The following RNFT2 variants were observed in gnomAD, a reference collection of about 807,000 sequenced individuals.
The protein encoded by RNFT2 is E3 ubiquitin-protein ligase RNFT2.
In RNFT2, 36 loss-of-function variants were observed where a neutral mutation model predicts 53.0. The ratio of observed to expected loss-of-function variants is 0.68; its 90% CI spans 0.52 to 0.90. The LOEUF is 0.90. RNFT2 is among the 40% of genes least tolerant of loss of function. The pLI is 0.00. For missense variants in RNFT2, 514 were observed against 585.6 expected (o/e 0.88, Z 1.26); for synonymous variants, 260 against 253.2 (o/e 1.03, Z -0.26).
rs200161684 is a variant in RNFT2 at position 116,852,597 on chromosome 12, G to A, written c.*3149G>A. 5,152 of 1,613,630 alleles carry A rather than the reference G, an allele frequency of 3.2e-3. 13 individuals carry two copies. The highest frequency in any genetic ancestry group is 4.0e-3 in the Non-Finnish European group (4,717 of 1,179,632). On this transcript the variant is annotated 3_prime_UTR_variant, in exon 11 of 11. Coordinates refer to ENST00000257575, the MANE Select transcript of RNFT2 (RefSeq NM_001382266.1). Reference sequence around the variant, plus strand: ...TACCCTGAGGAAAAACCAAAGGGAAGCAACAGGAACTTCTGCAACTGGTTT... The same window carrying A: ...TACCCTGAGGAAAAACCAAAGGGAAACAACAGGAACTTCTGCAACTGGTTT...
chr12:116,761,890 T>C (rs1275206959), intron 5 of RNFT2, among the ~76,000 whole-genome samples: 1 of 151,760 alleles, frequency 6.6e-6, no homozygotes, highest in Non-Finnish European at 1.5e-5. Context: ...CACAAACCCA[T>C]TGAAAGGATT....
chr12:116,750,148 G>T lies in RNFT2; in HGVS notation c.391G>T (p.Gly131Cys). The T allele has an allele frequency of 6.3e-7, 1 of 1,586,872 alleles. No homozygotes were observed. The highest frequency in any genetic ancestry group is 8.5e-7 in the Non-Finnish European group (1 of 1,172,714). ...HRGGSLLQHV[G>C]GDHRGHSEEG... ...CGGGGGCTCCCTGCTGCAGCACGTG[G>T]GTGGGGACCACCGGGGGCACTCGGA... The change falls in exon 4 of 11, where the codon GGT (glycine) becomes TGT (cysteine). Residue 131 changes from glycine (G) to cysteine (C), a missense_variant. This residue lies in a region of RNFT2 where 237 missense variants were observed against 235.1 expected (regional missense o/e 1.01). Coordinates refer to ENST00000257575, the MANE Select transcript of RNFT2 (RefSeq NM_001382266.1).
rs2137233266 is a variant in RNFT2, at chr12:116,851,629, A to C, written c.*2181A>C. On this transcript the variant is annotated 3_prime_UTR_variant, in exon 11 of 11. Coordinates refer to ENST00000257575, the MANE Select transcript of RNFT2 (RefSeq NM_001382266.1). Reference sequence around the variant, plus strand: ...GTGGCGGGTGCCTGTAATCCCAGCTACTCAGGAGGCTAAGGCAGGGAGAAC... The same window carrying C: ...GTGGCGGGTGCCTGTAATCCCAGCTCCTCAGGAGGCTAAGGCAGGGAGAAC... 1.6e-6 allele frequency: 1 copy of C among 613,384 alleles called. No individual in the cohort carries two copies. Among genetic ancestry groups the C allele is most frequent in the Middle Eastern group, 4.4e-4 (1 of 2,296 alleles). 38.0% of individuals were successfully genotyped at this position (613,384 alleles called of 1,614,324 possible).
Position 116,769,092 on chromosome 12 carries a change from G to A in RNFT2, c.728+2178G>A, listed in dbSNP as rs1244168676. On this transcript the variant is annotated intron_variant, in intron 6 of 10. Transcript: ENST00000257575. ...AAATAAAAGTTGGCCGGGCGCAGTG[G>A]CTCACACCTGTAATCCCAGCACTTT... 2.0e-5 allele frequency among the ~76,000 whole-genome samples: 3 copies of A among 152,088 alleles called. No homozygotes were observed. The South Asian group carries it at 6.2e-4, about 32-fold the overall frequency.
intron 3 of RNFT2, among the ~76,000 whole-genome samples, chr12:116,742,156 C>T (rs1871638016): frequency 6.6e-6 from 1 of 152,044 alleles, no homozygotes; most frequent in South Asian, 2.1e-4. Flanking sequence ...AAGCATAGGC[C>T]ACAGCCTTTA....
At chr12:116,766,952 G>T in intron 6 of RNFT2, 38 bp downstream of exon 6, 1 of 1,477,696 alleles carries the variant, frequency 6.8e-7, no homozygotes, top group East Asian at 2.4e-5. Context: ...TGGGAGAGTG[G>T]GGCACTTGGC....
chr12:116,784,960 C>T (rs1368369464), intron 7 of RNFT2, among the ~76,000 whole-genome samples: 1 of 152,176 alleles, frequency 6.6e-6, no homozygotes, highest in Admixed American at 6.5e-5. Context: ...AATTTAAACC[C>T]TCCAGGGGCT....
chr12:116,743,916 C>A (rs1871768817), intron 3 of RNFT2, among the ~76,000 whole-genome samples: 1 of 152,090 alleles, frequency 6.6e-6, no homozygotes, highest in African/African-American at 2.4e-5. Flanking sequence ...CCAAAAATGG[C>A]AGGTAACAGA....
chr12:116,755,413 A>AATAG (rs1872459143), intron 5 of RNFT2: 1 of 1,054,924 alleles, frequency 9.5e-7, no homozygotes. Context: ...ATTCACAGGG[A>AATAG]ATAGGTTCCA....
chr12:116,852,633 G>A lies in RNFT2; in HGVS notation c.*3185G>A. 1.2e-6 allele frequency: 2 copies of A among 1,614,010 alleles called. No homozygotes were observed. The highest frequency in any genetic ancestry group is 1.1e-5 in the South Asian group (1 of 91,080). On this transcript the variant is annotated 3_prime_UTR_variant, in exon 11 of 11. Transcript: ENST00000257575. ...TTCTGCAACTGGTTTTTATCGGAAA[G>A]ATCATCCTGCCTGCAGATGCTGTTG... is the stretch of plus-strand genomic sequence containing the variant.
At chr12:116,825,665 A>C (rs1876287810) in intron 7 of RNFT2, among the ~76,000 whole-genome samples, 1 of 152,228 alleles carries the variant, frequency 6.6e-6, no homozygotes, top group Non-Finnish European at 1.5e-5. Flanking sequence ...ATACCACAGA[A>C]ATTGGCAAAC....
chr12:116,826,403 A>G (rs1010621648), intron 7 of RNFT2, among the ~76,000 whole-genome samples: 4 of 152,232 alleles, frequency 2.6e-5, no homozygotes, highest in African/African-American at 9.6e-5. Context: ...GAGGCGAGAC[A>G]GCTCATAATC....
At chr12:116,844,863 T>A (rs760945584) in intron 10 of RNFT2, among the ~76,000 whole-genome samples, 2 of 152,122 alleles carry the variant, frequency 1.3e-5, no homozygotes, top group Non-Finnish European at 2.9e-5. Context: ...CATAGTTAAG[T>A]CCCATTTGGT....
intron 7 of RNFT2, among the ~76,000 whole-genome samples, chr12:116,823,500 G>A (rs1876164547): frequency 6.6e-6 from 1 of 152,160 alleles, no homozygotes; most frequent in Non-Finnish European, 1.5e-5. Context: ...CCTGGCCAAT[G>A]TGGCAAAACC....
chr12:116,805,405 G>T (rs1296278194), intron 7 of RNFT2, among the ~76,000 whole-genome samples: 1 of 152,120 alleles, frequency 6.6e-6, no homozygotes, highest in Non-Finnish European at 1.5e-5. Context: ...GGGCTGGAAA[G>T]TCTGAAATCT....
intron 10 of RNFT2, 62 bp downstream of exon 10, chr12:116,836,344 C>A: frequency 7.3e-7 from 1 of 1,372,356 alleles, no homozygotes; most frequent in Non-Finnish European, 1.0e-6. Flanking sequence ...GACCCTTCCC[C>A]ATGGGCAGTC....
chr12:116,825,513 G>C (rs1876278910), intron 7 of RNFT2, among the ~76,000 whole-genome samples: 1 of 152,068 alleles, frequency 6.6e-6, no homozygotes, highest in Admixed American at 6.6e-5. Flanking sequence ...TAGATTTATT[G>C]GCTTATTTAA....
intron 6 of RNFT2, among the ~76,000 whole-genome samples, chr12:116,770,215 T>C (rs1873113125): frequency 6.6e-6 from 1 of 152,200 alleles, no homozygotes; most frequent in Non-Finnish European, 1.5e-5. Flanking sequence ...TGTATCTTTT[T>C]TCATCCTTTA....
chr12:116,792,390 T>TA (rs1193051495), intron 7 of RNFT2, among the ~76,000 whole-genome samples: 1 of 152,026 alleles, frequency 6.6e-6, no homozygotes, highest in Non-Finnish European at 1.5e-5. Context: ...AAAGTCCTCC[T>TA]AAACCATTCA....
Sources: allele counts gnomAD v4.1 joint callset (sites outside exome capture counted in the v4.1 genomes callset), GRCh38; gene constraint gnomAD v4.1.1; regional missense constraint gnomAD v4.1.1; transcripts MANE v1.5; gene names NCBI Gene and HGNC (gene_info 2026-07-23, HGNC 2026-07-21).